Variants in SOS2 observed in about 807,000 individuals in gnomAD.
SOS2 encodes the protein SOS Ras/Rho guanine nucleotide exchange factor 2, also known as son of sevenless homolog 2.
Under a neutral mutation model 148.2 loss-of-function variants are expected in SOS2, and 65 were observed. The observed-to-expected ratio is 0.44, with a 90% confidence interval of 0.36 to 0.54. The LOEUF is 0.54. SOS2 is among the 20% of genes least tolerant of loss of function. The probability of loss-of-function intolerance (pLI) is 0.00; values close to 1 mark genes in which losing one functional copy is unlikely to be tolerated. For missense variants in SOS2, 1,341 were observed against 1,590.2 expected (o/e 0.84, Z 2.67); for synonymous variants, 539 against 537.1 (o/e 1.00, Z -0.05).
At chr14:50,180,148 A>C (rs1885683287) in intron 7 of SOS2, among the ~76,000 whole-genome samples, 1 of 150,826 alleles carries the variant, frequency 6.6e-6, no homozygotes, top group Non-Finnish European at 1.5e-5. Context: ...GGATTACAGG[A>C]GCTCACCACC....
rs1566832748 is a variant in SOS2, at chr14:50,162,896, G to GTTTTTTTTTTTTTTTTTTT, written c.1069-1288_1069-1287insAAAAAAAAAAAAAAAAAAA. Among the ~76,000 whole-genome samples, 4 of 139,854 alleles carry GTTTTTTTTTTTTTTTTTTT rather than the reference G, an allele frequency of 2.9e-5. 1 individual carries two copies. The highest frequency in any genetic ancestry group is 4.6e-5 in the Non-Finnish European group (3 of 65,204). 91.7% of individuals were successfully genotyped at this position (139,854 alleles called of 152,430 possible). ...GTATTGTATTGTGCTCCAATGTTTT[G>GTTTTTTTTTTTTTTTTTTT]ATTTTTTTTTTTTTTTTTGAGACAG... On this transcript the variant is annotated intron_variant, in intron 8 of 22. Transcript: ENST00000216373.
At chr14:50,119,791 C>T (rs1052097981) in intron 22 of SOS2, among the ~76,000 whole-genome samples, 34 of 147,662 alleles carry the variant, frequency 2.3e-4, no homozygotes, top group African/African-American at 8.5e-4. Flanking sequence ...CTGCCTCAGC[C>T]TCCCAACCAG....
At chr14:50,182,083 C>T (rs1399613288) in intron 6 of SOS2, among the ~76,000 whole-genome samples, 2 of 151,208 alleles carry the variant, frequency 1.3e-5, no homozygotes, top group African/African-American at 4.9e-5. Context: ...CATAAACACA[C>T]TATAAAGAAA....
In SOS2 at chr14:50,165,815, CTTAT is replaced by C. The variant is rs146890869; in HGVS notation, c.1069-4210_1069-4207del. On this transcript the variant is annotated intron_variant, in intron 8 of 22. Coordinates refer to ENST00000216373, the MANE Select transcript of SOS2 (RefSeq NM_006939.4). Reference sequence around the variant, plus strand: ...CTGTGCACGCTCTTTTATGCATTAGCTTATTTAATTTTTATTACAACTCTGTAAC... The same window carrying C: ...CTGTGCACGCTCTTTTATGCATTAGCTTAATTTTTATTACAACTCTGTAAC... 5.6e-3 allele frequency among the ~76,000 whole-genome samples: 850 copies of C among 152,236 alleles called. 7 individuals carry two copies. Among genetic ancestry groups the C allele is most frequent in the African/African-American group, 0.02 (820 of 41,540 alleles).
In SOS2 at chr14:50,204,283, C is replaced by T; in HGVS notation, c.213+1G>A. ...TTTTGAAATGACAAAATAATTTTTA[C>T]CTCTACATCTTGAACAGTCCTTGGC... is the stretch of plus-strand genomic sequence containing the variant. On this transcript the variant is annotated splice_donor_variant, in intron 2 of 22. Coordinates refer to ENST00000216373, the MANE Select transcript of SOS2 (RefSeq NM_006939.4). LOFTEE classifies it high-confidence loss of function. 6.4e-7 allele frequency: 1 copy of T among 1,561,442 alleles called. No homozygotes were observed. The highest frequency in any genetic ancestry group is 8.6e-7 in the Non-Finnish European group (1 of 1,157,670).
chr14:50,196,425 A>C (rs1183031767), intron 4 of SOS2, among the ~76,000 whole-genome samples: 1 of 152,144 alleles, frequency 6.6e-6, no homozygotes, highest in Non-Finnish European at 1.5e-5. Context: ...GTTACAAACA[A>C]TCCAATTAAA....
chr14:50,210,534 G>A (rs1805672656), intron 1 of SOS2, among the ~76,000 whole-genome samples: 1 of 150,794 alleles, frequency 6.6e-6, no homozygotes, highest in East Asian at 1.9e-4. Flanking sequence ...GGAAAGAACT[G>A]ATAAACTTTA....
chr14:50,148,678 T>G (rs976799005), intron 14 of SOS2, among the ~76,000 whole-genome samples: 1 of 152,152 alleles, frequency 6.6e-6, no homozygotes, highest in Non-Finnish European at 1.5e-5. Context: ...AACATAACAT[T>G]TTGAGTCAGA....
rs1245809919 is a variant in SOS2 at position 50,130,629 on chromosome 14, C to T, written c.3209G>A (p.Arg1070Gln). Reference protein sequence around the residue: ...EREPCKISFSRIAETELESTV... With the variant: ...EREPCKISFSQIAETELESTV... ...TGATTCCAGCTCAGTTTCAGCAATC[C>T]GACTAAAGCTTATTTTACATGGTTC... The change falls in exon 20 of 23, where the codon CGG becomes CAG. Residue 1070 changes from arginine (R) to glutamine (Q), a missense_variant. Around this residue, in one of 4 missense-constraint regions of SOS2, gnomAD observed 354 missense variants for 347.7 expected, o/e 1.02. Transcript: ENST00000216373. 14 of 1,613,956 alleles carry T rather than the reference C, an allele frequency of 8.7e-6. No homozygotes were observed. The highest frequency in any genetic ancestry group is 1.3e-5 in the African/African-American group (1 of 74,896).
At chr14:50,135,131 T>C (rs1054847044) in intron 18 of SOS2, among the ~76,000 whole-genome samples, 4 of 143,078 alleles carry the variant, frequency 2.8e-5, no homozygotes, top group African/African-American at 1.0e-4. Flanking sequence ...GATTATAAAG[T>C]TAAACCTATC....
chr14:50,128,890 G>C (rs1416652218), intron 21 of SOS2, among the ~76,000 whole-genome samples: 1 of 151,978 alleles, frequency 6.6e-6, no homozygotes, highest in Non-Finnish European at 1.5e-5. Context: ...AAAGTGGTAG[G>C]ATTACAGGTA....
At chr14:50,220,841 T>C (rs753678787) in intron 1 of SOS2, among the ~76,000 whole-genome samples, 1 of 152,190 alleles carries the variant, frequency 6.6e-6, no homozygotes, top group Non-Finnish European at 1.5e-5. Context: ...TCATCAAAGT[T>C]TTCTTTGAAT....
intron 22 of SOS2, among the ~76,000 whole-genome samples, chr14:50,119,875 G>A (rs1261904782): frequency 7.6e-6 from 1 of 132,368 alleles, no homozygotes; most frequent in African/African-American, 2.9e-5. Flanking sequence ...GCAGTGGCAC[G>A]ATCCTGGCTC....
rs144392255 is a variant in SOS2, at chr14:50,192,920, G to A, written c.511-4220C>T. Among the ~76,000 whole-genome samples, 304 of 152,146 alleles carry A rather than the reference G, an allele frequency of 2.0e-3. 2 individuals are homozygous for A. Among genetic ancestry groups the A allele is most frequent in the African/African-American group, 6.4e-3 (266 of 41,536 alleles). On this transcript the variant is annotated intron_variant, in intron 4 of 22. Transcript: ENST00000216373. ...TTAAAAACAAAAGAAAGAAAATACA[G>A]AACTCAACTGCTAGTATATCTAGAT...
intron 5 of SOS2, among the ~76,000 whole-genome samples, chr14:50,186,144 T>A (rs1885902836): frequency 6.6e-6 from 1 of 152,208 alleles, no homozygotes. Context: ...TACTATGCTC[T>A]GATTTTAGAT....
In SOS2 at chr14:50,174,469, G is replaced by C; in HGVS notation, c.1053C>G (p.Tyr351Ter). ...MLVPVYHCWH[Y>*]FELLKQLKAC... The stretch of plus-strand genomic sequence containing the variant: ...AAAACCTTACCTTTAGTAACTCAAA[G>C]TAGTGCCAACAGTGATACACTGGCA... The change falls in exon 8 of 23, where the codon TAC becomes TAG. Residue 351 changes from tyrosine to a stop codon, truncating the protein, a stop_gained. Coordinates refer to ENST00000216373, the MANE Select transcript of SOS2 (RefSeq NM_006939.4). LOFTEE classifies it high-confidence loss of function. 1 of 1,593,842 alleles carries C rather than the reference G, an allele frequency of 6.3e-7. No individual in the cohort carries two copies. Among genetic ancestry groups the C allele is most frequent in the Non-Finnish European group, 8.6e-7 (1 of 1,164,978 alleles).
chr14:50,159,939 C>T lies in SOS2; in HGVS notation c.1344G>A (p.Leu448=), dbSNP rs35530861. The T allele has an allele frequency of 4.5e-3, 7,263 of 1,614,132 alleles. 35 individuals are homozygous for T. Among genetic ancestry groups the T allele is most frequent in the Non-Finnish European group, 5.5e-3 (6,481 of 1,180,000 alleles). Residue 448 remains leucine, a synonymous_variant, in exon 10 of 23, where the codon TTG becomes TTA. Transcript: ENST00000216373. The part of the protein sequence containing the change: ...CCNEFIMEGP[L]TRIGAKHERH... ...GTTCATGTTTGGCACCGATTCTTGT[C>T]AATGGTCCCTCCATAATGAATTCAT...
intron 12 of SOS2, among the ~76,000 whole-genome samples, chr14:50,154,372 A>T (rs1008755736): frequency 3.9e-5 from 6 of 152,212 alleles, no homozygotes; most frequent in African/African-American, 7.2e-5. Context: ...ACTGGTGAGA[A>T]TATGAAGCAA....
At chr14:50,153,861 C>A in intron 12 of SOS2, among the ~76,000 whole-genome samples, 1 of 152,336 alleles carries the variant, frequency 6.6e-6, no homozygotes, top group South Asian at 2.1e-4. Flanking sequence ...GATCCGCCCA[C>A]CTCAGCCTCC....
Sources: gnomAD v4.1 joint callset for allele counts (sites outside exome capture counted in the v4.1 genomes callset) on GRCh38, gnomAD v4.1.1 for gene constraint, gnomAD v4.1.1 regional missense constraint, MANE v1.5 for transcripts, NCBI Gene and HGNC (gene_info 2026-07-23, HGNC 2026-07-21) for gene names.